The following MECOM variants were observed in gnomAD, a reference collection of about 807,000 sequenced individuals.
The protein encoded by MECOM is MDS1 and EVI1 complex locus, also known as histone-lysine N-methyltransferase MECOM.
In MECOM, 13 loss-of-function variants were observed where a neutral mutation model predicts 116.3. The ratio of observed to expected loss-of-function variants is 0.11; its 90% CI spans 0.07 to 0.18. The LOEUF (loss-of-function observed/expected upper bound fraction) is 0.18. MECOM is among the 10% of genes least tolerant of loss of function. MECOM has a pLI of 1.00. For synonymous variants in MECOM, 528 were observed against 535.2 expected (o/e 0.99, Z 0.19); for missense variants, 1,299 against 1,509.0 (o/e 0.86, Z 2.31).
chr3:169,249,101 C>T (rs939580987), intron 2 of MECOM, among the ~76,000 whole-genome samples: 3 of 152,122 alleles, frequency 2.0e-5, no homozygotes, highest in African/African-American at 2.4e-5. Context: ...CCCACAAAAC[C>T]GATTTCTTAG....
chr3:169,595,937 A>G (rs1371926948), intron 1 of MECOM, among the ~76,000 whole-genome samples: 3 of 99,594 alleles, frequency 3.0e-5, no homozygotes, highest in African/African-American at 6.2e-5. Context: ...TCTTTCATTC[A>G]TATAGTCAAT....
At chr3:169,404,567 A>G (rs973485775) in intron 1 of MECOM, among the ~76,000 whole-genome samples, 3 of 152,224 alleles carry the variant, frequency 2.0e-5, no homozygotes, top group Admixed American at 1.3e-4. Flanking sequence ...ACTGTTGCCT[A>G]TGGGGATTGC....
chr3:169,324,418 C>G (rs1347451576), intron 2 of MECOM, among the ~76,000 whole-genome samples: 1 of 152,354 alleles, frequency 6.6e-6, no homozygotes, highest in East Asian at 1.9e-4. Context: ...TTCAAACACA[C>G]ATGCTCTGCT....
chr3:169,554,736 G>C (rs1214128195), intron 1 of MECOM, among the ~76,000 whole-genome samples: 2 of 152,292 alleles, frequency 1.3e-5, no homozygotes, highest in South Asian at 2.1e-4. Flanking sequence ...CTGCTGCTGT[G>C]GTTCATATAC....
chr3:169,461,570 C>T (rs1162020423), intron 1 of MECOM, among the ~76,000 whole-genome samples: 1 of 151,932 alleles, frequency 6.6e-6, no homozygotes, highest in African/African-American at 2.4e-5. Flanking sequence ...TTCTTGGTTC[C>T]CACTGTACCA....
At position 169,140,289 on chromosome 3, in the gene MECOM, C is replaced by T. The variant is rs116489293; in HGVS notation, c.510+3409G>A. On this transcript the variant is annotated intron_variant, in intron 3 of 16. Coordinates refer to ENST00000651503, the MANE Select transcript of MECOM (RefSeq NM_004991.4). ...CTAAACACCGTGCCACAGCCATAGA[C>T]CTATGTAGCATTGTAGAGAAACTTT... Among the ~76,000 whole-genome samples, 176 of 152,026 alleles carry T rather than the reference C, an allele frequency of 1.2e-3. 1 individual carries two copies. The highest frequency in any genetic ancestry group is 6.8e-3 in the Middle Eastern group (2 of 294).
At chr3:169,215,338 T>G (rs1173097432) in intron 2 of MECOM, among the ~76,000 whole-genome samples, 1 of 151,066 alleles carries the variant, frequency 6.6e-6, no homozygotes, top group Non-Finnish European at 1.5e-5. Context: ...AACACAAAGA[T>G]AAATCATTTG....
chr3:169,238,676 G>A (rs1754401865), intron 2 of MECOM, among the ~76,000 whole-genome samples: 1 of 152,110 alleles, frequency 6.6e-6, no homozygotes, highest in Admixed American at 6.5e-5. Context: ...GTTTGCATAA[G>A]GCATAAAGCT....
chr3:169,486,029 A>G (rs1164733119), intron 1 of MECOM, among the ~76,000 whole-genome samples: 6 of 115,764 alleles, frequency 5.2e-5, no homozygotes, highest in East Asian at 7.4e-4. Context: ...TATATATAGT[A>G]TATATATATA....
chr3:169,131,416 G>A lies in MECOM; in HGVS notation c.613+13C>T. The stretch of plus-strand genomic sequence containing the variant: ...GATAAGGTGATAAGGAGGGTGGCGT[G>A]AGTGGTACTAACCGTGGATATCCGG... On this transcript the variant is annotated intron_variant, in intron 4 of 16. Transcript: ENST00000651503. The A allele has an allele frequency of 6.2e-7, 1 of 1,605,116 alleles. No individual in the cohort carries two copies.
At chr3:169,608,303 C>T (rs1233543956) in intron 1 of MECOM, among the ~76,000 whole-genome samples, 1 of 152,190 alleles carries the variant, frequency 6.6e-6, no homozygotes, top group Non-Finnish European at 1.5e-5. Flanking sequence ...TGCATTTCAG[C>T]CTCCCAGCTT....
intron 1 of MECOM, among the ~76,000 whole-genome samples, chr3:169,403,779 A>C (rs2108409825): frequency 6.6e-6 from 1 of 152,368 alleles, no homozygotes; most frequent in African/African-American, 2.4e-5. Flanking sequence ...TAAAACACAG[A>C]TCAAACAATA....
At chr3:169,372,164 G>T (rs189078921) in intron 2 of MECOM, among the ~76,000 whole-genome samples, 1 of 152,002 alleles carries the variant, frequency 6.6e-6, no homozygotes, top group Non-Finnish European at 1.5e-5. Flanking sequence ...ATGTGTAAAT[G>T]TATGTATGTT....
rs1455955583 is a variant in MECOM at position 169,380,442 on chromosome 3, A to G, written c.375+745T>C. 6.6e-5 allele frequency among the ~76,000 whole-genome samples: 10 copies of G among 152,194 alleles called. No individual in the cohort carries two copies. In the East Asian group the frequency reaches 1.9e-3, roughly 29 times the overall value. ...TAAAACTTACACTCAGAAGAATAAC[A>G]TAGTTACCTGTCTTTATTGAAATAA... On this transcript the variant is annotated intron_variant, in intron 2 of 16. Transcript: ENST00000651503.
chr3:169,551,730 A>G (rs534031701), intron 1 of MECOM, among the ~76,000 whole-genome samples: 15 of 152,374 alleles, frequency 9.8e-5, no homozygotes, highest in Middle Eastern at 3.4e-3. Flanking sequence ...AACTGAAAAC[A>G]TATGCCCACA....
At chr3:169,418,464 C>A (rs1739108963) in intron 1 of MECOM, among the ~76,000 whole-genome samples, 1 of 152,108 alleles carries the variant, frequency 6.6e-6, no homozygotes, top group Admixed American at 6.5e-5. Context: ...AATTTCAGGC[C>A]AATATCCCGG....
At chr3:169,573,241 A>T (rs1165082536) in intron 1 of MECOM, among the ~76,000 whole-genome samples, 1 of 152,228 alleles carries the variant, frequency 6.6e-6, no homozygotes, top group African/African-American at 2.4e-5. Flanking sequence ...AAGGCGAACG[A>T]ATGAAACTTC....
rs75792908 is a variant in MECOM, at chr3:169,143,253, TAGATA to T, written c.510+440_510+444del. Among the ~76,000 whole-genome samples, 382 of 152,180 alleles carry T rather than the reference TAGATA, an allele frequency of 2.5e-3. 4 individuals are homozygous for T. Among genetic ancestry groups the T allele is most frequent in the Admixed American group, 0.022 (341 of 15,282 alleles). On this transcript the variant is annotated intron_variant, in intron 3 of 16. Coordinates refer to ENST00000651503, the MANE Select transcript of MECOM (RefSeq NM_004991.4). ...GGCAAATCAATATAAAATGCATAAT[TAGATA>T]AGATAACACTGATACTATGCATATA...
intron 2 of MECOM, among the ~76,000 whole-genome samples, chr3:169,349,049 C>A (rs1484075486): frequency 6.6e-6 from 1 of 151,344 alleles, no homozygotes; most frequent in Non-Finnish European, 1.5e-5. Flanking sequence ...CATGTTCACC[C>A]CCATTCCCCT....
Sources: allele counts gnomAD v4.1 joint callset (sites outside exome capture counted in the v4.1 genomes callset), GRCh38; gene constraint gnomAD v4.1.1; transcripts MANE v1.5; gene names NCBI Gene and HGNC (gene_info 2026-07-23, HGNC 2026-07-21).